MMAA: variants seen among roughly 807,000 people sequenced by gnomAD.
MMAA encodes the protein metabolism of cobalamin associated A, also known as methylmalonic aciduria type A protein, mitochondrial.
In MMAA, 41 loss-of-function variants were observed where a neutral mutation model predicts 45.0. That is an observed-to-expected ratio of 0.91 (90% confidence interval 0.71 to 1.18). MMAA has a LOEUF of 1.18. Among genes scored for constraint, MMAA ranks in the 50% most tolerant of loss-of-function variants. MMAA has a pLI of 0.00. For synonymous variants in MMAA, 154 were observed against 178.2 expected (o/e 0.86, Z 1.08); for missense variants, 460 against 495.7 (o/e 0.93, Z 0.68).
chr4:145,652,941 C>G (rs1366380123), intron 5 of MMAA, among the ~76,000 whole-genome samples: 1 of 151,950 alleles, frequency 6.6e-6, no homozygotes, highest in South Asian at 2.1e-4. Flanking sequence ...ATGATCATAG[C>G]TCACTGTAAC....
At chr4:145,632,779 C>T (rs1727491168) in intron 1 of MMAA, among the ~76,000 whole-genome samples, 1 of 148,168 alleles carries the variant, frequency 6.7e-6, no homozygotes, top group African/African-American at 2.5e-5. Context: ...TTTTTTGAGA[C>T]AGGGGTCTTG....
chr4:145,629,117 G>T (rs950015334), intron 1 of MMAA, among the ~76,000 whole-genome samples: 3 of 152,056 alleles, frequency 2.0e-5, no homozygotes, highest in African/African-American at 7.2e-5. Flanking sequence ...CACATTGATT[G>T]ATTTGTATAT....
In MMAA at chr4:145,656,023, C is replaced by G. The variant is rs886059095; in HGVS notation, c.*589C>G. On this transcript the variant is annotated 3_prime_UTR_variant, in exon 7 of 7. Transcript: ENST00000649156. Reference sequence around the variant, plus strand: ...TTTGCAGGTACCCTTCCGCCACCCCCCAACATGATAGGTAAGAGAGCAAAA... The same window carrying G: ...TTTGCAGGTACCCTTCCGCCACCCCGCAACATGATAGGTAAGAGAGCAAAA... The G allele has an allele frequency of 2.0e-5, 3 of 152,164 alleles. No homozygotes were observed. Among genetic ancestry groups the G allele is most frequent in the South Asian group, 2.1e-4 (1 of 4,820 alleles). 9.4% of individuals were successfully genotyped at this position (152,164 alleles called of 1,614,324 possible).
At chr4:145,641,170 A>ATGG (rs1727770677) in intron 2 of MMAA, among the ~76,000 whole-genome samples, 1 of 152,188 alleles carries the variant, frequency 6.6e-6, no homozygotes, top group Non-Finnish European at 1.5e-5. Flanking sequence ...ATCTTTATGT[A>ATGG]TGGTAAACAA....
At chr4:145,652,709 G>A (rs1256054157) in intron 5 of MMAA, among the ~76,000 whole-genome samples, 2 of 151,792 alleles carry the variant, frequency 1.3e-5, no homozygotes, top group African/African-American at 4.8e-5. Flanking sequence ...CAGCCTAGGT[G>A]ACAGAGTGAG....
chr4:145,641,319 TC>T (rs1356741655), intron 2 of MMAA, among the ~76,000 whole-genome samples: 1 of 152,234 alleles, frequency 6.6e-6, no homozygotes, highest in African/African-American at 2.4e-5. Flanking sequence ...GTAGTGCTAT[TC>T]CAGTTCTTCC....
At chr4:145,625,548 G>T (rs1734182149) in intron 1 of MMAA, 4 of 755,460 alleles carry the variant, frequency 5.3e-6, no homozygotes, top group Non-Finnish European at 9.9e-6. Context: ...CAAGTGCTCA[G>T]AAATTTGAAT....
intron 1 of MMAA, among the ~76,000 whole-genome samples, chr4:145,629,609 A>G (rs1452245470): frequency 1.3e-5 from 2 of 152,090 alleles, no homozygotes; most frequent in Non-Finnish European, 2.9e-5. Context: ...GTTCATTTTC[A>G]TGTTGCTGAC....
At chr4:145,654,619 G>T (rs1728176255) in intron 6 of MMAA, among the ~76,000 whole-genome samples, 1 of 152,150 alleles carries the variant, frequency 6.6e-6, no homozygotes, top group South Asian at 2.1e-4. Flanking sequence ...TTATAATGAG[G>T]ACAATGATGA....
In MMAA at chr4:145,626,245, G is replaced by T. The variant is rs188080533; in HGVS notation, c.-66+6838G>T. Among the ~76,000 whole-genome samples the T allele has an allele frequency of 7.1e-3, 1,087 of 152,262 alleles. 5 individuals are homozygous for T. The highest frequency in any genetic ancestry group is 0.012 in the Non-Finnish European group (795 of 68,014). Reference sequence around the variant, plus strand: ...TCCTTCTCTCTACTTACATAATTTTGCCATTTTAGTGGAATTAGTCTGTTC... The same window carrying T: ...TCCTTCTCTCTACTTACATAATTTTTCCATTTTAGTGGAATTAGTCTGTTC... On this transcript the variant is annotated intron_variant, in intron 1 of 6. Transcript: ENST00000649156.
chr4:145,649,215 T>A (rs1346455961), intron 4 of MMAA, among the ~76,000 whole-genome samples: 2 of 152,002 alleles, frequency 1.3e-5, no homozygotes, highest in East Asian at 1.9e-4. Context: ...AAAGAATGGC[T>A]TGAGCCCAGG....
chr4:145,626,758 T>C (rs1734213748), intron 1 of MMAA, among the ~76,000 whole-genome samples: 1 of 152,196 alleles, frequency 6.6e-6, no homozygotes, highest in Admixed American at 6.5e-5. Context: ...CACTGTAGGA[T>C]TGTTGTGAGG....
chr4:145,624,571 C>G, intron 1 of MMAA: 2 of 1,215,338 alleles, frequency 1.6e-6, no homozygotes, highest in Non-Finnish European at 2.4e-6. Flanking sequence ...CTAGAAGGAA[C>G]CAGCAATTCT....
intron 5 of MMAA, 90 bp from the exon 6 acceptor site, chr4:145,653,903 GT>G (rs2126628982): frequency 7.2e-7 from 1 of 1,380,592 alleles, no homozygotes; most frequent in South Asian, 1.2e-5. Context: ...TGGATGAAAA[GT>G]TAATGAAATG....
At position 145,645,611 on chromosome 4, in the gene MMAA, G is replaced by T. The variant is rs372336002; in HGVS notation, c.563-375G>T. ...GAAGCAGGAGAGATACTTCTGGCAT[G>T]AGAGCACAAACAAAAAAGATGGGAC... On this transcript the variant is annotated intron_variant, in intron 3 of 6. Transcript: ENST00000649156. Among the ~76,000 whole-genome samples the T allele has an allele frequency of 2.0e-5, 3 of 152,158 alleles. No homozygotes were observed. The East Asian group carries it at 5.8e-4, about 29-fold the overall frequency.
chr4:145,652,040 G>A (rs1031043451), intron 5 of MMAA, among the ~76,000 whole-genome samples: 9 of 151,944 alleles, frequency 5.9e-5, no homozygotes, highest in African/African-American at 1.7e-4. Context: ...GGGGACCCTT[G>A]CACTAGAGTG....
At chr4:145,638,656 G>A (rs1247602834) in intron 1 of MMAA, among the ~76,000 whole-genome samples, 2 of 152,100 alleles carry the variant, frequency 1.3e-5, no homozygotes, top group Admixed American at 6.5e-5. Context: ...TTTGTAGAGA[G>A]TGAATACAAG....
In MMAA at chr4:145,625,866, G is replaced by A; in HGVS notation, c.-66+6459G>A. On this transcript the variant is annotated intron_variant, in intron 1 of 6. Transcript: ENST00000649156. ...GCTTCTAAGACGTTCCAGATGACGG[G>A]TTATGCAACTGTGAATCTGAGCTTT... 5.8e-6 allele frequency: 8 copies of A among 1,381,158 alleles called. No individual in the cohort carries two copies. In the South Asian group the frequency reaches 7.2e-5, roughly 12 times the overall value. The allele number at this position is 1,381,158 out of a possible 1,614,324, so 85.6% of individuals were successfully genotyped here.
At chr4:145,621,852 G>A (rs1734096054) in intron 1 of MMAA, among the ~76,000 whole-genome samples, 1 of 152,090 alleles carries the variant, frequency 6.6e-6, no homozygotes, top group African/African-American at 2.4e-5. Context: ...GGCTGCTGCT[G>A]AGCAAATTTT....
Sources: allele counts gnomAD v4.1 joint callset (sites outside exome capture counted in the v4.1 genomes callset), GRCh38; gene constraint gnomAD v4.1.1; transcripts MANE v1.5; gene names NCBI Gene and HGNC (gene_info 2026-07-23, HGNC 2026-07-21).